ZFYVE16: variants seen among roughly 807,000 people sequenced by gnomAD.
ZFYVE16 encodes the protein zinc finger FYVE domain-containing protein 16.
In ZFYVE16, 89 loss-of-function variants were observed where a neutral mutation model predicts 138.1. That is an observed-to-expected ratio of 0.64 (90% CI 0.54 to 0.77). The LOEUF is 0.77. ZFYVE16 is among the 30% of genes least tolerant of loss of function. The pLI is 0.00. For missense variants in ZFYVE16, 1,793 were observed against 1,786.7 expected (o/e 1.00, Z -0.06); for synonymous variants, 596 against 618.3 (o/e 0.96, Z 0.53).
chr5:80,462,388 G>A (rs1353972025), intron 15 of ZFYVE16, among the ~76,000 whole-genome samples: 4 of 152,112 alleles, frequency 2.6e-5, no homozygotes, highest in Non-Finnish European at 5.9e-5. Context: ...CTGAGTTAAG[G>A]GGGAAGAGCC....
intron 15 of ZFYVE16, among the ~76,000 whole-genome samples, chr5:80,469,544 T>A (rs893979677): frequency 1.3e-5 from 2 of 152,154 alleles, no homozygotes; most frequent in African/African-American, 4.8e-5. Flanking sequence ...GCTCCTGGCA[T>A]CAGTCTGTTT....
chr5:80,469,874 A>G (rs139683715), intron 15 of ZFYVE16, among the ~76,000 whole-genome samples: 1 of 150,400 alleles, frequency 6.6e-6, no homozygotes, highest in African/African-American at 2.4e-5. Flanking sequence ...TTTTAGTTAG[A>G]TTGTACTTTT....
intron 4 of ZFYVE16, among the ~76,000 whole-genome samples, chr5:80,439,636 A>C (rs185667222): frequency 2.0e-5 from 3 of 152,314 alleles, no homozygotes; most frequent in Non-Finnish European, 2.9e-5. Flanking sequence ...AGAACTACAG[A>C]GAACTTTTTA....
At chr5:80,459,693 T>C (rs569000659) in intron 15 of ZFYVE16, among the ~76,000 whole-genome samples, 199 bp downstream of exon 15, 122 of 152,346 alleles carry the variant, frequency 8.0e-4, no homozygotes, top group African/African-American at 2.9e-3. Context: ...GTGAGTAGAC[T>C]GAATATGGTG....
chr5:80,416,106 A>C (rs1437246365), intron 1 of ZFYVE16, among the ~76,000 whole-genome samples: 1 of 152,072 alleles, frequency 6.6e-6, no homozygotes, highest in East Asian at 1.9e-4. Flanking sequence ...TGCACACTTA[A>C]GGAATGGGGA....
chr5:80,472,984 C>A, intron 16 of ZFYVE16, 61 bp downstream of exon 16: 2 of 1,362,438 alleles, frequency 1.5e-6, no homozygotes, highest in Non-Finnish European at 9.8e-7. Context: ...ATTAAAATAT[C>A]CTATTAATAA....
rs755546488 is a variant in ZFYVE16 at position 80,473,899 on chromosome 5, A to G, written c.4293+40A>G. 60 of 1,511,120 alleles carry G rather than the reference A, an allele frequency of 4.0e-5. No homozygotes were observed. The Admixed American group carries it at 7.4e-4, about 19-fold the overall frequency. The allele number at this position is 1,511,120 out of a possible 1,614,324, so 93.6% of individuals were successfully genotyped here. ...AGGTCCCTTTACATGCTGTGTTTCA[A>G]TATGATTTTTGTTCTTTGGAGATTG... On this transcript the variant is annotated intron_variant, in intron 17 of 18. Transcript: ENST00000505560.
chr5:80,435,802 T>C (rs1210889181), intron 3 of ZFYVE16: 15 of 376,118 alleles, frequency 4.0e-5, no homozygotes, highest in Admixed American at 2.7e-4. Context: ...CTTGAACTCC[T>C]GATCTCAAGT....
At chr5:80,465,396 C>CTTTTTTTT (rs1187412933) in intron 15 of ZFYVE16, among the ~76,000 whole-genome samples, 41 of 26,346 alleles carry the variant, frequency 1.6e-3, no homozygotes, top group South Asian at 2.7e-3. Context: ...TTTTCCTTTT[C>CTTTTTTTT]TTTGTTTTTT....
At chr5:80,469,096 T>A (rs370327813) in intron 15 of ZFYVE16, among the ~76,000 whole-genome samples, 1 of 143,908 alleles carries the variant, frequency 6.9e-6, no homozygotes, top group African/African-American at 2.6e-5. Context: ...CTTTCTCTCT[T>A]TTTTTTTTTT....
rs529503625 is a variant in ZFYVE16 at position 80,480,276 on chromosome 5, A to G, written c.*2899A>G. ...TAAAAAGTTGTGGAGCTAATCTGGA[A>G]AAGAACTGAATATAAACATTACAAG... On this transcript the variant is annotated 3_prime_UTR_variant, in exon 19 of 19. Transcript: ENST00000505560. 6.6e-6 allele frequency among the ~76,000 whole-genome samples: 1 copy of G among 152,318 alleles called. No individual in the cohort carries two copies. The highest frequency in any genetic ancestry group is 1.9e-4 in the East Asian group (1 of 5,192).
At chr5:80,446,302 C>T (rs1451943207) in intron 7 of ZFYVE16, among the ~76,000 whole-genome samples, 2 of 151,952 alleles carry the variant, frequency 1.3e-5, no homozygotes, top group African/African-American at 2.4e-5. Context: ...CTATAGATTT[C>T]GTGGGTTGTA....
rs766141594 is a variant in ZFYVE16 at position 80,438,117 on chromosome 5, G to A, written c.1432G>A (p.Val478Ile). Reference sequence around the variant, plus strand: ...TGGTGGTGACACCAGTTCTACAGTTGTAGAATCTCAAGAGGGGCTTTCTGG... The same window carrying A: ...TGGTGGTGACACCAGTTCTACAGTTATAGAATCTCAAGAGGGGCTTTCTGG... ...LDGGDTSSTVVESQEGLSGTH... is the reference protein window; with the variant it reads ...LDGGDTSSTVIESQEGLSGTH... Residue 478 changes from valine to isoleucine, a missense_variant, in exon 4 of 19, where the codon GTA (valine) becomes ATA (isoleucine). Physicochemically the swap from Val to Ile is conservative, Grantham distance 29. This residue lies in a region of ZFYVE16 where 1,295 missense variants were observed against 1,204.3 expected (regional missense o/e 1.08). Transcript: ENST00000505560. 1.9e-6 allele frequency: 3 copies of A among 1,613,950 alleles called. No individual in the cohort carries two copies. The highest frequency in any genetic ancestry group is 4.5e-5 in the East Asian group (2 of 44,882).
At chr5:80,452,533 G>T (rs781178545) in intron 11 of ZFYVE16, 1 of 149,650 alleles carries the variant, frequency 6.7e-6, no homozygotes, top group Non-Finnish European at 1.5e-5. Flanking sequence ...AATTACTTTT[G>T]CTAAAATTTT....
chr5:80,421,540 A>C (rs1410328448), intron 1 of ZFYVE16, among the ~76,000 whole-genome samples: 1 of 152,296 alleles, frequency 6.6e-6, no homozygotes, highest in South Asian at 2.1e-4. Flanking sequence ...AGCACCATTT[A>C]TTAAATAGGG....
chr5:80,457,155 A>G, intron 14 of ZFYVE16, 63 bp downstream of exon 14: 1 of 1,572,290 alleles, frequency 6.4e-7, no homozygotes, highest in Non-Finnish European at 8.6e-7. Context: ...ATTCCTTTCA[A>G]AGGGGAAATA....
chr5:80,475,519 C>T lies in ZFYVE16; in HGVS notation c.4461+689C>T, dbSNP rs188576259. On this transcript the variant is annotated intron_variant, in intron 18 of 18. Coordinates refer to ENST00000505560, the MANE Select transcript of ZFYVE16 (RefSeq NM_001284236.3). ...CATACTTTTCTTTATCCTCCCTCTC[C>T]GGCCAAGCAATCAGTGTTACTCATT... Among the ~76,000 whole-genome samples, 34 of 152,280 alleles carry T rather than the reference C, an allele frequency of 2.2e-4. No individual in the cohort carries two copies. In the East Asian group the frequency reaches 5.2e-3, roughly 23 times the overall value.
Position 80,477,202 on chromosome 5 carries a change from ATT to A in ZFYVE16, c.4462-6_4462-5del. On this transcript the variant is annotated splice_polypyrimidine_tract_variant and intron_variant, in intron 18 of 18. Coordinates refer to ENST00000505560, the MANE Select transcript of ZFYVE16 (RefSeq NM_001284236.3). ...AAGATTGCTCATTTTCTTATCAAGA[ATT>A]TTTTTTTTTTCTAGGTTGAATTTCA... is the stretch of plus-strand genomic sequence containing the variant. The A allele has an allele frequency of 2.0e-6, 3 of 1,523,666 alleles. No individual in the cohort carries two copies. The highest frequency in any genetic ancestry group is 1.5e-5 in the African/African-American group (1 of 67,356). The allele number at this position is 1,523,666 out of a possible 1,614,324, so 94.4% of individuals were successfully genotyped here.
chr5:80,422,618 C>G (rs1377954831), intron 1 of ZFYVE16, among the ~76,000 whole-genome samples: 1 of 151,950 alleles, frequency 6.6e-6, no homozygotes, highest in Non-Finnish European at 1.5e-5. Context: ...CCATGCCAGG[C>G]TAATTTTTTT....
Sources: allele counts gnomAD v4.1 joint callset (sites outside exome capture counted in the v4.1 genomes callset), GRCh38; gene constraint gnomAD v4.1.1; regional missense constraint gnomAD v4.1.1; transcripts MANE v1.5; gene names NCBI Gene and HGNC (gene_info 2026-07-23, HGNC 2026-07-21).